Variants in NCEH1 observed in about 807,000 individuals in gnomAD.
NCEH1 encodes the protein 2-acetyl MAGE hydrolase.
NCEH1 carries 9 observed loss-of-function variants against 25.4 expected under a neutral mutation model. The ratio of observed to expected loss-of-function variants is 0.35; its 90% CI spans 0.21 to 0.62. The LOEUF is 0.62. NCEH1 is among the 20% of genes least tolerant of loss of function. The probability of loss-of-function intolerance (pLI) is 0.72; values close to 1 mark genes in which losing one functional copy is unlikely to be tolerated. For synonymous variants in NCEH1, 200 were observed against 199.8 expected (o/e 1.00, Z -0.01); for missense variants, 412 against 501.1 (o/e 0.82, Z 1.70).
rs80054621 is a variant in NCEH1, at chr3:172,698,408, A to G, written c.138+12439T>C. On this transcript the variant is annotated intron_variant, in intron 1 of 4. Transcript: ENST00000475381. Reference sequence around the variant, plus strand: ...GGAAGTGACTGAAACCTTGGGACAAAGTGACTTTACCTTGGAAATGATGCA... The same window carrying G: ...GGAAGTGACTGAAACCTTGGGACAAGGTGACTTTACCTTGGAAATGATGCA... 4.3e-3 allele frequency among the ~76,000 whole-genome samples: 656 copies of G among 152,336 alleles called. 6 individuals are homozygous for G. The highest frequency in any genetic ancestry group is 0.042 in the South Asian group (201 of 4,818).
In NCEH1 at chr3:172,709,173, G is replaced by A. The variant is rs529648597; in HGVS notation, c.138+1674C>T. ...TGTCCTTAATGGGCTGGCAAGCCTA[G>A]CTGGGAAAGAAAAGCTTTTCTCCAA... On this transcript the variant is annotated intron_variant, in intron 1 of 4. Coordinates refer to ENST00000475381, the MANE Select transcript of NCEH1 (RefSeq NM_020792.6). 2.0e-5 allele frequency among the ~76,000 whole-genome samples: 3 copies of A among 152,318 alleles called. No homozygotes were observed. The South Asian group carries it at 6.2e-4, about 32-fold the overall frequency.
At chr3:172,696,649 T>C (rs767579899) in intron 1 of NCEH1, among the ~76,000 whole-genome samples, 1 of 152,198 alleles carries the variant, frequency 6.6e-6, no homozygotes, top group Non-Finnish European at 1.5e-5. Context: ...AAGCCGGGAT[T>C]TGAACACAAG....
At chr3:172,646,044 T>G (rs1377149021) in intron 2 of NCEH1, among the ~76,000 whole-genome samples, 1 of 152,178 alleles carries the variant, frequency 6.6e-6, no homozygotes, top group Non-Finnish European at 1.5e-5. Flanking sequence ...AAATAAGCAG[T>G]CTCTTCCTTA....
intron 3 of NCEH1, among the ~76,000 whole-genome samples, chr3:172,643,375 C>A (rs1223106652): frequency 6.6e-6 from 1 of 152,142 alleles, no homozygotes; most frequent in African/African-American, 2.4e-5. Flanking sequence ...CCCAGTAGCT[C>A]ACATTCTAAA....
In NCEH1 at chr3:172,648,044, C is replaced by T. The variant is rs1202114102; in HGVS notation, c.209G>A (p.Gly70Asp). 1 of 1,614,020 alleles carries T rather than the reference C, an allele frequency of 6.2e-7. No homozygotes were observed. Among genetic ancestry groups the T allele is most frequent in the Non-Finnish European group, 8.5e-7 (1 of 1,179,996 alleles). ...LALNFIIVSF[G>D]KKSAWSSAQV... ...GGCAGAAGACCACGCGCTTTTTTTG[C>T]CAAAAGAAACAATGATAAAATTCAG... The change falls in exon 2 of 5, where the codon GGC becomes GAC. Residue 70 changes from glycine (G) to aspartate (D), a missense_variant. Transcript: ENST00000475381.
At chr3:172,705,372 A>G (rs1356816112) in intron 1 of NCEH1, among the ~76,000 whole-genome samples, 1 of 152,182 alleles carries the variant, frequency 6.6e-6, no homozygotes, top group African/African-American at 2.4e-5. Context: ...CAAGTGCCCA[A>G]CCCAGTGATT....
rs1470073005 is a variant in NCEH1, at chr3:172,662,908, A to T, written c.139-14794T>A. ...TCAATTTTGTTGATCCTTTCAAAAA[A>T]CCAGCTCCTGGATTCTTTGATTTCT... On this transcript the variant is annotated intron_variant, in intron 1 of 4. Transcript: ENST00000475381. 2.6e-5 allele frequency among the ~76,000 whole-genome samples: 4 copies of T among 151,768 alleles called. No individual in the cohort carries two copies. In the East Asian group the frequency reaches 7.7e-4, roughly 29 times the overall value.
intron 1 of NCEH1, among the ~76,000 whole-genome samples, chr3:172,706,716 G>A (rs1056998288): frequency 9.2e-5 from 14 of 151,998 alleles, no homozygotes; most frequent in African/African-American, 1.4e-4. Flanking sequence ...GGCCAGGCTG[G>A]TCTTGAACTC....
intron 1 of NCEH1, among the ~76,000 whole-genome samples, chr3:172,688,445 T>G (rs1435006890): frequency 6.6e-6 from 1 of 152,070 alleles, no homozygotes; most frequent in African/African-American, 2.4e-5. Context: ...TTCTTTTCCC[T>G]TCAAAACAGA....
At chr3:172,638,990 T>C (rs6765719) in intron 3 of NCEH1, among the ~76,000 whole-genome samples, 13,879 of 152,140 alleles carry the variant, frequency 0.091, 767 homozygotes, top group African/African-American at 0.15. Flanking sequence ...TTTTACTCAA[T>C]AAAAATGGAC....
chr3:172,686,677 A>C (rs1712714911), intron 1 of NCEH1, among the ~76,000 whole-genome samples: 1 of 152,208 alleles, frequency 6.6e-6, no homozygotes, highest in Non-Finnish European at 1.5e-5. Context: ...TCACATGGGC[A>C]TCCTAGGTTT....
At chr3:172,667,366 C>A (rs756378395) in intron 1 of NCEH1, among the ~76,000 whole-genome samples, 1 of 152,222 alleles carries the variant, frequency 6.6e-6, no homozygotes, top group African/African-American at 2.4e-5. Flanking sequence ...AGCACACTAC[C>A]TCCATTAAAG....
rs200618734 is a variant in NCEH1 at position 172,706,500 on chromosome 3, T to TTTTC, written c.138+4346_138+4347insGAAA. On this transcript the variant is annotated intron_variant, in intron 1 of 4. Transcript: ENST00000475381. The stretch of plus-strand genomic sequence containing the variant: ...ATCTTTTACTGTTCTTACATTTTTC[T>TTTTC]TTTTTTTTTTTTTTTTTTGAGACGA... Among the ~76,000 whole-genome samples the TTTTC allele has an allele frequency of 1.8e-3, 226 of 127,868 alleles. 1 individual carries two copies. The highest frequency in any genetic ancestry group is 5.7e-3 in the South Asian group (20 of 3,484). The allele number at this position is 127,868 out of a possible 152,430, so 83.9% of individuals were successfully genotyped here.
At chr3:172,675,940 C>G (rs755546214) in intron 1 of NCEH1, among the ~76,000 whole-genome samples, 4 of 152,104 alleles carry the variant, frequency 2.6e-5, no homozygotes, top group African/African-American at 9.7e-5. Context: ...TATCTCTTTT[C>G]GCCTAGAAGC....
chr3:172,703,834 T>G (rs487167), intron 1 of NCEH1, among the ~76,000 whole-genome samples: 25,562 of 152,206 alleles, frequency 0.17, 2,524 homozygotes, highest in Non-Finnish European at 0.23. Flanking sequence ...AGGTACTATC[T>G]GCAGAGACCA....
chr3:172,709,868 G>C (rs1421661863), intron 1 of NCEH1, among the ~76,000 whole-genome samples: 1 of 152,180 alleles, frequency 6.6e-6, no homozygotes, highest in African/African-American at 2.4e-5. Context: ...TGTGGGGAGG[G>C]AGGAGGCTTG....
At chr3:172,674,288 A>G (rs543033876) in intron 1 of NCEH1, among the ~76,000 whole-genome samples, 2 of 152,148 alleles carry the variant, frequency 1.3e-5, no homozygotes, top group South Asian at 4.2e-4. Flanking sequence ...AAAGATACCA[A>G]AGAAAATTAG....
intron 1 of NCEH1, among the ~76,000 whole-genome samples, chr3:172,697,622 T>C (rs1240934963): frequency 6.6e-6 from 1 of 152,206 alleles, no homozygotes. Flanking sequence ...TGTGATGCAT[T>C]CTTAATGTGG....
At chr3:172,665,583 C>T (rs1483515496) in intron 1 of NCEH1, among the ~76,000 whole-genome samples, 1 of 152,214 alleles carries the variant, frequency 6.6e-6, no homozygotes, top group Non-Finnish European at 1.5e-5. Flanking sequence ...TGCCCTGCCC[C>T]CAGAGGTGGA....
Sources: gnomAD v4.1 joint callset for allele counts (sites outside exome capture counted in the v4.1 genomes callset) on GRCh38, gnomAD v4.1.1 for gene constraint, MANE v1.5 for transcripts, NCBI Gene and HGNC (gene_info 2026-07-23, HGNC 2026-07-21) for gene names.